The following DHCR24 variants were observed in gnomAD, a reference collection of about 807,000 sequenced individuals.
DHCR24 encodes the protein delta(24)-sterol reductase.
In DHCR24, 28 loss-of-function variants were observed where a neutral mutation model predicts 61.2. The observed-to-expected ratio is 0.46, with a 90% CI of 0.34 to 0.63. DHCR24 has a LOEUF of 0.63. Ranked by LOEUF, DHCR24 falls within the 20% of genes least tolerant of loss-of-function variation. The pLI, the probability that DHCR24 is intolerant of heterozygous loss-of-function variation, is 0.01. For missense variants in DHCR24, 538 were observed against 679.1 expected (o/e 0.79, Z 2.31); for synonymous variants, 261 against 275.9 (o/e 0.95, Z 0.54).
At chr1:54,863,697 A>T (rs1646951084) in intron 6 of DHCR24, among the ~76,000 whole-genome samples, 1 of 152,254 alleles carries the variant, frequency 6.6e-6, no homozygotes, top group Non-Finnish European at 1.5e-5. Context: ...GAAAATAGAT[A>T]AATTGGAATT....
chr1:54,855,940 T>A lies in DHCR24; in HGVS notation c.1021-1706A>T, dbSNP rs574989690. Among the ~76,000 whole-genome samples the A allele has an allele frequency of 2.0e-3, 281 of 139,104 alleles. 1 individual carries two copies. Among genetic ancestry groups the A allele is most frequent in the African/African-American group, 6.8e-3 (261 of 38,438 alleles). 91.3% of individuals were successfully genotyped at this position (139,104 alleles called of 152,430 possible). On this transcript the variant is annotated intron_variant, in intron 6 of 8. Coordinates refer to ENST00000371269, the MANE Select transcript of DHCR24 (RefSeq NM_014762.4). ...ACCTGGCTCCCCACCCACCCTCAAC[T>A]CTCCTCCCCCTCCCTAATGGCAAGC... is the stretch of plus-strand genomic sequence containing the variant.
At chr1:54,886,755 C>A in intron 1 of DHCR24, 134 bp downstream of exon 1, 1 of 1,465,632 alleles carries the variant, frequency 6.8e-7, no homozygotes, top group Non-Finnish European at 9.1e-7. Flanking sequence ...AACCCCTCTC[C>A]AACGCCAGCT....
intron 6 of DHCR24, 124 bp downstream of exon 6, chr1:54,865,179 G>T: frequency 8.3e-7 from 1 of 1,201,070 alleles, no homozygotes; most frequent in Non-Finnish European, 1.2e-6. Flanking sequence ...AGAAGGCATT[G>T]CAGTTCCTTA....
intron 1 of DHCR24, chr1:54,886,530 C>T (rs990606491): frequency 1.3e-5 from 15 of 1,182,066 alleles, no homozygotes; most frequent in Non-Finnish European, 1.6e-5. Context: ...TTCCCCCAAT[C>T]ATTTCCCATA....
intron 6 of DHCR24, among the ~76,000 whole-genome samples, chr1:54,862,567 C>A (rs755972549): frequency 6.6e-6 from 1 of 152,164 alleles, no homozygotes. Flanking sequence ...CCCTAACCTG[C>A]AAGGTGTCCC....
Position 54,875,212 on chromosome 1 carries a change from C to A in DHCR24, c.494-1G>T, listed in dbSNP as rs1353973009. ...ATGCCTGTGCCCATGATCAAGCCCC[C>A]TGCAGAGACATCACACACAGTGTCA... On this transcript the variant is annotated splice_acceptor_variant, in intron 3 of 8. Transcript: ENST00000371269. LOFTEE classifies it high-confidence loss of function. 1 of 1,614,122 alleles carries A rather than the reference C, an allele frequency of 6.2e-7. No homozygotes were observed. The highest frequency in any genetic ancestry group is 8.5e-7 in the Non-Finnish European group (1 of 1,179,978).
Position 54,875,076 on chromosome 1 carries a change from C to T in DHCR24, c.612+17G>A. On this transcript the variant is annotated intron_variant, in intron 4 of 8. Coordinates refer to ENST00000371269, the MANE Select transcript of DHCR24 (RefSeq NM_014762.4). ...CCAGAGCAGGCTGGCATGGACATCT[C>T]CCATTGCTGAACTCACCGGAGTGCA... The T allele has an allele frequency of 1.2e-6, 2 of 1,608,478 alleles. No individual in the cohort carries two copies. The highest frequency in any genetic ancestry group is 1.7e-6 in the Non-Finnish European group (2 of 1,174,876).
chr1:54,875,050 C>G, intron 4 of DHCR24, 43 bp downstream of exon 4: 1 of 1,552,828 alleles, frequency 6.4e-7, no homozygotes, highest in South Asian at 1.1e-5. Context: ...ATCCTTAATG[C>G]CCAGAGCAGG....
At chr1:54,885,703 T>C (rs566322485) in intron 1 of DHCR24, among the ~76,000 whole-genome samples, 7 of 152,152 alleles carry the variant, frequency 4.6e-5, no homozygotes, top group African/African-American at 7.2e-5. Flanking sequence ...CCAAGATTAA[T>C]AGGCACTCGC....
At chr1:54,869,604 C>CAG (rs1425314143) in intron 5 of DHCR24, among the ~76,000 whole-genome samples, 3 of 151,794 alleles carry the variant, frequency 2.0e-5, no homozygotes, top group South Asian at 4.2e-4. Flanking sequence ...CACACACACA[C>CAG]AGAGAAATAG....
chr1:54,878,514 C>CAAAAAAAAAAAAAAAAAAAAA (rs56198608), intron 2 of DHCR24, among the ~76,000 whole-genome samples: 19 of 54,326 alleles, frequency 3.5e-4, no homozygotes, highest in East Asian at 7.1e-4. Context: ...AACTCTGTCT[C>CAAAAAAAAAAAAAAAAAAAAA]AAAAAAAAAA....
At chr1:54,875,887 A>G in intron 3 of DHCR24, 55 bp downstream of exon 3, 1 of 1,462,988 alleles carries the variant, frequency 6.8e-7, no homozygotes, top group Non-Finnish European at 9.6e-7. Context: ...AAGGCCCATC[A>G]GCTCCGGTCC....
At chr1:54,854,453 G>A (rs550828642) in intron 6 of DHCR24, among the ~76,000 whole-genome samples, 1 of 152,274 alleles carries the variant, frequency 6.6e-6, no homozygotes, top group South Asian at 2.1e-4. Context: ...ATGACCCCGG[G>A]CTAGTTACTT....
chr1:54,875,831 T>A, intron 3 of DHCR24, 111 bp downstream of exon 3: 1 of 840,192 alleles, frequency 1.2e-6, no homozygotes, highest in Non-Finnish European at 2.0e-6. Flanking sequence ...ATGACTTCTG[T>A]CACAGATGGA....
intron 2 of DHCR24, among the ~76,000 whole-genome samples, chr1:54,880,942 A>G (rs1003707391): frequency 3.9e-5 from 6 of 152,338 alleles, no homozygotes; most frequent in African/African-American, 1.4e-4. Flanking sequence ...TGAGGTCAAG[A>G]GTTTGAGACC....
chr1:54,879,322 G>GAAAAAAAAAAAAAAAAA (rs58945175), intron 2 of DHCR24, among the ~76,000 whole-genome samples: 1 of 108,536 alleles, frequency 9.2e-6, no homozygotes, highest in African/African-American at 3.9e-5. Flanking sequence ...GACTCCATCT[G>GAAAAAAAAAAAAAAAAA]AAAAAAAAAA....
In DHCR24 at chr1:54,854,063, G is replaced by A. The variant is rs1277409226; in HGVS notation, c.1192C>T (p.Leu398=). Residue 398 remains leucine (L), a synonymous_variant, in exon 7 of 9, where the codon CTG becomes TTG. Transcript: ENST00000371269. The stretch of plus-strand genomic sequence containing the variant: ...TGGATGTCGTTTTGGAAGGTGTGCA[G>A]GGCCTGCTGCAGGCACTTCATGGGC... ...LVPMKCLQQA[L]HTFQNDIHVY... is the part of the protein sequence containing the mutation. The A allele has an allele frequency of 1.2e-6, 2 of 1,613,612 alleles. No individual in the cohort carries two copies. Among genetic ancestry groups the A allele is most frequent in the Admixed American group, 1.7e-5 (1 of 59,998 alleles).
intron 7 of DHCR24, 37 bp from the exon 8 acceptor site, chr1:54,853,649 C>T (rs377481407): frequency 6.3e-7 from 1 of 1,594,482 alleles, no homozygotes; most frequent in African/African-American, 1.3e-5. Context: ...GGTGCTTTTT[C>T]TCCAACAGGT....
chr1:54,856,618 G>A (rs747367485), intron 6 of DHCR24, among the ~76,000 whole-genome samples: 3 of 151,922 alleles, frequency 2.0e-5, no homozygotes, highest in Non-Finnish European at 4.4e-5. Context: ...AAAAACAAAG[G>A]TTATTGACCC....
Sources: gnomAD v4.1 joint callset for allele counts (sites outside exome capture counted in the v4.1 genomes callset) on GRCh38, gnomAD v4.1.1 for gene constraint, MANE v1.5 for transcripts, NCBI Gene and HGNC (gene_info 2026-07-23, HGNC 2026-07-21) for gene names.